Variants in MTCH2 observed in about 807,000 individuals in gnomAD.
The protein encoded by MTCH2 is mitochondrial carrier homolog 2.
In MTCH2, 25 loss-of-function variants were observed where a neutral mutation model predicts 50.6. That is an observed-to-expected ratio of 0.49 (90% confidence interval 0.36 to 0.69). MTCH2 has a LOEUF of 0.69. Ranked by LOEUF, MTCH2 falls within the 30% of genes least tolerant of loss-of-function variation. The probability of loss-of-function intolerance (pLI) is 0.00; values close to 1 mark genes in which losing one functional copy is unlikely to be tolerated. For synonymous variants in MTCH2, 106 were observed against 132.0 expected (o/e 0.80, Z 1.35); for missense variants, 273 against 384.4 (o/e 0.71, Z 2.42).
Position 47,634,657 on chromosome 11 carries a change from T to C in MTCH2, c.369+15A>G. 6.3e-7 allele frequency: 1 copy of C among 1,599,378 alleles called. No individual in the cohort carries two copies. Among genetic ancestry groups the C allele is most frequent in the Non-Finnish European group, 8.6e-7 (1 of 1,168,080 alleles). On this transcript the variant is annotated intron_variant, in intron 5 of 12. Coordinates refer to ENST00000302503, the MANE Select transcript of MTCH2 (RefSeq NM_014342.4). The stretch of plus-strand genomic sequence containing the variant: ...TGATCTGGGCAAACAGCACAGGATG[T>C]AATTCATCTCTTACCTCCTTGATAA...
Position 47,635,572 on chromosome 11 carries a change from C to T in MTCH2, c.280-1G>A. 6.2e-7 allele frequency: 1 copy of T among 1,611,876 alleles called. No individual in the cohort carries two copies. Among genetic ancestry groups the T allele is most frequent in the South Asian group, 1.1e-5 (1 of 91,012 alleles). On this transcript the variant is annotated splice_acceptor_variant, in intron 3 of 12. Transcript: ENST00000302503. LOFTEE classifies it high-confidence loss of function. ...CACCCTTGTCACTCTCCTGGTAATG[C>T]TATAGAAAAAAAGAAAAAGGATGAT...
the MTCH2 span, among the ~76,000 whole-genome samples, chr11:47,608,056 T>G: frequency 6.6e-6 from 1 of 152,220 alleles, no homozygotes; most frequent in African/African-American, 2.4e-5. Context: ...TATCAGAATC[T>G]GGGCTTTGCT....
Position 47,633,524 on chromosome 11 carries a change from A to ATATATATG in MTCH2, c.369+1147_369+1148insCATATATA, listed in dbSNP as rs1565972639. Reference sequence around the variant, plus strand: ...TTTTGGAATATATATATATATATATATATTTTTTTTTTTTTTTTTTTTTTT... The same window carrying ATATATATG: ...TTTTGGAATATATATATATATATATATATATATGTATTTTTTTTTTTTTTTTTTTTTTT... On this transcript the variant is annotated intron_variant, in intron 5 of 12. Coordinates refer to ENST00000302503, the MANE Select transcript of MTCH2 (RefSeq NM_014342.4). 9.2e-4 allele frequency among the ~76,000 whole-genome samples: 51 copies of ATATATATG among 55,306 alleles called. 1 individual carries two copies. The highest frequency in any genetic ancestry group is 4.5e-3 in the African/African-American group (50 of 11,060). 36.3% of individuals were successfully genotyped at this position (55,306 alleles called of 152,430 possible).
rs746003807 is a variant in MTCH2 at position 47,638,784 on chromosome 11, T to G, written c.194A>C (p.Asp65Ala). The G allele has an allele frequency of 1.7e-5, 28 of 1,614,102 alleles. 1 individual carries two copies. In the South Asian group the frequency reaches 3.0e-4, roughly 17 times the overall value. The change falls in exon 3 of 13, where the codon GAT becomes GCT. Residue 65 changes from aspartate to alanine, a missense_variant. By Grantham distance (126) the Asp-to-Ala change is moderately radical. Around this residue, in one of 2 missense-constraint regions of MTCH2, gnomAD observed 203 missense variants for 244.3 expected, o/e 0.83. Coordinates refer to ENST00000302503, the MANE Select transcript of MTCH2 (RefSeq NM_014342.4). ...FSYAQHIASI[D>A]GRRGLFTGLT... ...GCCTGTGAACAACCCGCGCCTCCCA[T>G]CGATACTGGCAATGTGCTGAGCTAA...
At chr11:47,630,972 A>G in intron 7 of MTCH2, 64 bp downstream of exon 7, 1 of 1,247,204 alleles carries the variant, frequency 8.0e-7, no homozygotes, top group Non-Finnish European at 1.2e-6. Context: ...AATACAAAGT[A>G]GTATTATTCT....
chr11:47,606,122 C>T, the MTCH2 span, among the ~76,000 whole-genome samples: 7 of 152,304 alleles, frequency 4.6e-5, no homozygotes, highest in South Asian at 1.4e-3. Context: ...AAAGGTCTGT[C>T]ATCACCTTGG....
At chr11:47,633,663 A>G (rs2097305792) in intron 5 of MTCH2, among the ~76,000 whole-genome samples, 1 of 149,050 alleles carries the variant, frequency 6.7e-6, no homozygotes, top group South Asian at 2.1e-4. Flanking sequence ...CAGCCCCCCA[A>G]GTAGCTGGGA....
Position 47,628,971 on chromosome 11 carries a change from G to T in MTCH2, c.615C>A (p.Thr205=). 6.2e-7 allele frequency: 1 copy of T among 1,613,852 alleles called. No homozygotes were observed. The highest frequency in any genetic ancestry group is 8.5e-7 in the Non-Finnish European group (1 of 1,179,874). The change falls in exon 9 of 13, where the codon ACC becomes ACA. Residue 205 remains threonine, a synonymous_variant. Coordinates refer to ENST00000302503, the MANE Select transcript of MTCH2 (RefSeq NM_014342.4). The part of the protein sequence containing the change: ...LCNSLAYLVN[T]YALDSGVSTM... ...AACCTACCCCACTGTCCAGTGCATA[G>T]GTATTGACGAGGTAGGCCAGTGAGT... is the stretch of plus-strand genomic sequence containing the variant.
chr11:47,619,831 C>G (rs922340202), intron 12 of MTCH2, among the ~76,000 whole-genome samples: 1 of 152,094 alleles, frequency 6.6e-6, no homozygotes, highest in African/African-American at 2.4e-5. Context: ...AATCTCAGCA[C>G]TTTGGGAGGC....
the MTCH2 span, among the ~76,000 whole-genome samples, chr11:47,610,594 A>G: frequency 6.6e-6 from 1 of 152,246 alleles, no homozygotes; most frequent in African/African-American, 2.4e-5. Context: ...AATCCCAGCT[A>G]CTCAGGAGGC....
At position 47,624,213 on chromosome 11, in the gene MTCH2, C is replaced by A. The variant is rs12294436; in HGVS notation, c.750-1437G>T. 7.6e-3 allele frequency among the ~76,000 whole-genome samples: 1,069 copies of A among 141,348 alleles called. 13 individuals are homozygous for A. The highest frequency in any genetic ancestry group is 0.028 in the African/African-American group (1,028 of 37,112). The allele number at this position is 141,348 out of a possible 152,430, so 92.7% of individuals were successfully genotyped here. A position where few individuals can be genotyped will look rare whatever the true frequency, so the allele number is the denominator to read the frequency against. ...CACCACTGCACTATAGCCTGGGCAA[C>A]AGAGTGAGACTCCATCTCAAAAAAA... On this transcript the variant is annotated intron_variant, in intron 11 of 12. Coordinates refer to ENST00000302503, the MANE Select transcript of MTCH2 (RefSeq NM_014342.4).
intron 4 of MTCH2, 35 bp from the exon 5 acceptor site, chr11:47,634,769 A>ATTTTTTTTTT (rs139407275): frequency 9.5e-6 from 7 of 739,692 alleles, no homozygotes; most frequent in East Asian, 4.2e-5. Flanking sequence ...AGAGATCTTG[A>ATTTTTTTTTT]TTTTTTTTTT....
Position 47,629,016 on chromosome 11 carries a change from G to A in MTCH2, c.570C>T (p.Ile190=). Residue 190 remains isoleucine (I), a synonymous_variant, in exon 9 of 13, where the codon ATC becomes ATT. Coordinates refer to ENST00000302503, the MANE Select transcript of MTCH2 (RefSeq NM_014342.4). ...GTGAGTTACACAGCCACAAAGAAAG[G>A]ATGTCACCTAGAAGGCGAGGAACAA... ...AGLVPRLLGD[I]LSLWLCNSLA... 6.2e-7 allele frequency: 1 copy of A among 1,613,932 alleles called. No individual in the cohort carries two copies.
At chr11:47,628,057 A>G (rs2097299651) in intron 9 of MTCH2, among the ~76,000 whole-genome samples, 1 of 152,134 alleles carries the variant, frequency 6.6e-6, no homozygotes, top group African/African-American at 2.4e-5. Flanking sequence ...CTAGCTTTCT[A>G]CCAGATGCGT....
At position 47,635,528 on chromosome 11, in the gene MTCH2, A is replaced by T. The variant is rs950813590; in HGVS notation, c.306+17T>A. 1 of 1,613,378 alleles carries T rather than the reference A, an allele frequency of 6.2e-7. No individual in the cohort carries two copies. On this transcript the variant is annotated intron_variant, in intron 4 of 12. Transcript: ENST00000302503. ...CAAGGGAAAGGCCCTCATGCTTAGA[A>T]ATCAGCTCCAACATACCTCACCCTT...
chr11:47,620,957 G>C (rs1011517465), intron 12 of MTCH2, among the ~76,000 whole-genome samples: 1 of 152,188 alleles, frequency 6.6e-6, no homozygotes, highest in Admixed American at 6.5e-5. Flanking sequence ...GCACCTACAG[G>C]AACAACTGTT....
At chr11:47,623,369 CT>C (rs398016007) in intron 11 of MTCH2, among the ~76,000 whole-genome samples, 40,482 of 120,078 alleles carry the variant, frequency 0.34, 7,610 homozygotes, top group Middle Eastern at 0.42. Flanking sequence ...AAGAACCAGT[CT>C]TTTTTTAAAA....
chr11:47,622,418 G>A (rs986947970), intron 12 of MTCH2, among the ~76,000 whole-genome samples: 3 of 152,160 alleles, frequency 2.0e-5, no homozygotes, highest in African/African-American at 7.2e-5. Flanking sequence ...TACCTGGATC[G>A]TATTTGTAAG....
intron 1 of MTCH2, 137 bp downstream of exon 1, chr11:47,642,242 G>T: frequency 1.4e-6 from 1 of 711,728 alleles, no homozygotes. Context: ...TCCCTGCGGG[G>T]AGGTAAAGGG....
Sources: gnomAD v4.1 joint callset for allele counts (sites outside exome capture counted in the v4.1 genomes callset) on GRCh38, gnomAD v4.1.1 for gene constraint, gnomAD v4.1.1 regional missense constraint, MANE v1.5 for transcripts, NCBI Gene and HGNC (gene_info 2026-07-23, HGNC 2026-07-21) for gene names.